OSBPL3: variants seen among roughly 807,000 people sequenced by gnomAD.
The protein encoded by OSBPL3 is oxysterol binding protein like 3.
OSBPL3 carries 65 observed loss-of-function variants against 120.1 expected under a neutral mutation model. The ratio of observed to expected loss-of-function variants is 0.54; its 90% CI spans 0.44 to 0.67. OSBPL3 has a LOEUF of 0.67. OSBPL3 is among the 30% of genes least tolerant of loss of function. The pLI is 0.00. For synonymous variants in OSBPL3, 416 were observed against 402.6 expected (o/e 1.03, Z -0.40); for missense variants, 1,004 against 1,082.1 (o/e 0.93, Z 1.01).
At position 24,801,645 on chromosome 7, in the gene OSBPL3, T is replaced by A. The variant is rs140736480; in HGVS notation, c.2568-1366A>T. ...CAAGGGTCGAATCCAGCCTTCTGCG[T>A]ATCTCTGAAATACTGTTTTATTGGA... On this transcript the variant is annotated intron_variant, in intron 22 of 22. Coordinates refer to ENST00000313367, the MANE Select transcript of OSBPL3 (RefSeq NM_015550.4). 5.1e-3 allele frequency among the ~76,000 whole-genome samples: 772 copies of A among 152,360 alleles called. 7 individuals carry two copies. The highest frequency in any genetic ancestry group is 0.018 in the African/African-American group (738 of 41,584).
chr7:24,915,445 T>C (rs745995219), intron 1 of OSBPL3, among the ~76,000 whole-genome samples: 11 of 152,132 alleles, frequency 7.2e-5, no homozygotes, highest in Non-Finnish European at 1.5e-4. Flanking sequence ...ACAGAAAAGT[T>C]GTCTTTCAAA....
chr7:24,901,077 C>T (rs571944329), intron 1 of OSBPL3, among the ~76,000 whole-genome samples: 40 of 150,500 alleles, frequency 2.7e-4, no homozygotes, highest in Admixed American at 6.6e-4. Flanking sequence ...CACTTATAAT[C>T]CCAGCGCTTT....
chr7:24,863,050 C>T lies in OSBPL3; in HGVS notation c.870+150G>A, dbSNP rs1800799578. The T allele has an allele frequency of 6.4e-6, 4 of 623,806 alleles. No individual in the cohort carries two copies. Among genetic ancestry groups the T allele is most frequent in the South Asian group, 5.7e-5 (3 of 52,754 alleles). The allele number at this position is 623,806 out of a possible 1,614,324, so 38.6% of individuals were successfully genotyped here. ...TAGCACCCAGATAATCTAAGTGATT[C>T]AATTCATCTCGCTACAGAGGACACT... On this transcript the variant is annotated intron_variant, in intron 9 of 22. Coordinates refer to ENST00000313367, the MANE Select transcript of OSBPL3 (RefSeq NM_015550.4). The surrounding 1 kb of genome is among the most constrained non-coding windows in gnomAD (Gnocchi z 5.8).
chr7:24,865,627 C>T (rs952541202), intron 6 of OSBPL3, among the ~76,000 whole-genome samples, 162 bp from the exon 7 acceptor site: 1 of 152,186 alleles, frequency 6.6e-6, no homozygotes, highest in South Asian at 2.1e-4. Context: ...GCTATCACCC[C>T]GGCTTGGCCA....
At chr7:24,903,402 T>C (rs1807359613) in intron 1 of OSBPL3, among the ~76,000 whole-genome samples, 2 of 152,240 alleles carry the variant, frequency 1.3e-5, no homozygotes, top group Admixed American at 6.5e-5. Context: ...ACTAGCCTTT[T>C]GAAGTTCACC....
chr7:24,852,380 G>T lies in OSBPL3; in HGVS notation c.1158+124C>A, dbSNP rs1799265454. On this transcript the variant is annotated intron_variant, in intron 11 of 22. Transcript: ENST00000313367. This position sits in a 1 kb window ranked among gnomAD's most constrained non-coding sequence, Gnocchi z 4.1. The stretch of plus-strand genomic sequence containing the variant: ...AATAAGCAGATTTGATGAAAGGTTA[G>T]AATATAATTTGGATAATTTGGTTTT... 2.6e-6 allele frequency: 2 copies of T among 773,244 alleles called. No homozygotes were observed. The highest frequency in any genetic ancestry group is 3.8e-6 in the Non-Finnish European group (2 of 530,870). 47.9% of individuals were successfully genotyped at this position (773,244 alleles called of 1,614,324 possible).
chr7:24,974,000 A>G (rs1375342395), intron 1 of OSBPL3, among the ~76,000 whole-genome samples: 1 of 152,248 alleles, frequency 6.6e-6, no homozygotes, highest in East Asian at 1.9e-4. Flanking sequence ...ACACAGTATT[A>G]CAATATATTC....
rs925618935 is a variant in OSBPL3 at position 24,944,502 on chromosome 7, T to C, written c.-150+35384A>G. 5.3e-5 allele frequency among the ~76,000 whole-genome samples: 8 copies of C among 151,944 alleles called. No individual in the cohort carries two copies. In the East Asian group the frequency reaches 1.4e-3, roughly 26 times the overall value. ...AAAATTAGCCGGGCATGGTGGCACG[T>C]ACCTGTAATCCCAGCTACTCAGGAG... On this transcript the variant is annotated intron_variant, in intron 1 of 22. Transcript: ENST00000313367.
In OSBPL3 at chr7:24,830,724, C is replaced by T; in HGVS notation, c.1884+44G>A. 6.4e-7 allele frequency: 1 copy of T among 1,559,922 alleles called. No individual in the cohort carries two copies. Among genetic ancestry groups the T allele is most frequent in the Non-Finnish European group, 8.7e-7 (1 of 1,153,194 alleles). ...TTTCAGAAGCACATTTAATGGGAGACATAAGCAACCCCTCCCAACAAGCAA... is the reference window on the plus strand; with the variant it reads ...TTTCAGAAGCACATTTAATGGGAGATATAAGCAACCCCTCCCAACAAGCAA... On this transcript the variant is annotated intron_variant, in intron 16 of 22. Transcript: ENST00000313367. The surrounding 1 kb of genome is among the most constrained non-coding windows in gnomAD (Gnocchi z 4.4).
chr7:24,870,575 C>T (rs901871850), intron 5 of OSBPL3, among the ~76,000 whole-genome samples, 157 bp downstream of exon 5: 4 of 152,166 alleles, frequency 2.6e-5, no homozygotes, highest in Admixed American at 6.5e-5. Flanking sequence ...TGCACAATGA[C>T]GTCCCATTCA....
Position 24,946,998 on chromosome 7 carries a change from C to T in OSBPL3, c.-150+32888G>A, listed in dbSNP as rs749140206. Among the ~76,000 whole-genome samples, 25 of 152,274 alleles carry T rather than the reference C, an allele frequency of 1.6e-4. No homozygotes were observed. Among genetic ancestry groups the T allele is most frequent in the African/African-American group, 1.4e-4 (6 of 41,558 alleles). On this transcript the variant is annotated intron_variant, in intron 1 of 22. Coordinates refer to ENST00000313367, the MANE Select transcript of OSBPL3 (RefSeq NM_015550.4). The surrounding 1 kb of genome is among the most constrained non-coding windows in gnomAD (Gnocchi z 4.3). ...AAGCATTATTGTTCATTATTCTTGCCGCTTTCATGTCTTTAAATTGTACAA... is the reference window on the plus strand; with the variant it reads ...AAGCATTATTGTTCATTATTCTTGCTGCTTTCATGTCTTTAAATTGTACAA...
intron 1 of OSBPL3, among the ~76,000 whole-genome samples, chr7:24,962,747 G>A (rs2128519610): frequency 6.6e-6 from 1 of 152,272 alleles, no homozygotes; most frequent in East Asian, 1.9e-4. Context: ...CTTGCCCCTA[G>A]GTCCAGCCGT....
rs1814969587 is a variant in OSBPL3, at chr7:24,955,747, T to C, written c.-150+24139A>G. Among the ~76,000 whole-genome samples the C allele has an allele frequency of 1.3e-5, 2 of 152,234 alleles. No individual in the cohort carries two copies. The highest frequency in any genetic ancestry group is 4.1e-4 in the South Asian group (2 of 4,836). Reference sequence around the variant, plus strand: ...TTATTTGCTTATAATGCAAACTCCATGAGGGCAGGGACTTTGTTTGTTGTT... The same window carrying C: ...TTATTTGCTTATAATGCAAACTCCACGAGGGCAGGGACTTTGTTTGTTGTT... On this transcript the variant is annotated intron_variant, in intron 1 of 22. Transcript: ENST00000313367. The surrounding 1 kb of genome is among the most constrained non-coding windows in gnomAD (Gnocchi z 4.3).
At chr7:24,979,815 C>G in intron 1 of OSBPL3, 71 bp downstream of exon 1, 1 of 686,842 alleles carries the variant, frequency 1.5e-6, no homozygotes, top group Non-Finnish European at 1.8e-6. Flanking sequence ...AACAGCAGCC[C>G]TTCCGAGCCC....
rs1309430698 is a variant in OSBPL3 at position 24,952,930 on chromosome 7, G to A, written c.-150+26956C>T. Among the ~76,000 whole-genome samples the A allele has an allele frequency of 6.6e-6, 1 of 152,158 alleles. No individual in the cohort carries two copies. The highest frequency in any genetic ancestry group is 1.5e-5 in the Non-Finnish European group (1 of 68,030). On this transcript the variant is annotated intron_variant, in intron 1 of 22. Coordinates refer to ENST00000313367, the MANE Select transcript of OSBPL3 (RefSeq NM_015550.4). This position sits in a 1 kb window ranked among gnomAD's most constrained non-coding sequence, Gnocchi z 4.4. ...GTGGTAGGATCCCTGGAGCCCAGGA[G>A]TTCAAGACCAGCCTGGGCAACACAG...
At chr7:24,943,600 A>G (rs1813350942) in intron 1 of OSBPL3, among the ~76,000 whole-genome samples, 1 of 152,220 alleles carries the variant, frequency 6.6e-6, no homozygotes, top group Admixed American at 6.5e-5. Context: ...AGTTAACACT[A>G]TAACTCTGTA....
intron 19 of OSBPL3, among the ~76,000 whole-genome samples, chr7:24,811,651 G>C (rs1793812385): frequency 6.6e-6 from 1 of 152,206 alleles, no homozygotes; most frequent in South Asian, 2.1e-4. Flanking sequence ...CTTGCTGTAA[G>C]TCTTTAGTCC....
chr7:24,841,974 C>CTGCACT (rs1797832555), intron 13 of OSBPL3, among the ~76,000 whole-genome samples: 1 of 151,306 alleles, frequency 6.6e-6, no homozygotes, highest in African/African-American at 2.4e-5. Flanking sequence ...GATTGCACCA[C>CTGCACT]TGCACTTCAG....
At chr7:24,917,618 A>G (rs538972900) in intron 1 of OSBPL3, among the ~76,000 whole-genome samples, 1 of 151,886 alleles carries the variant, frequency 6.6e-6, no homozygotes, top group African/African-American at 2.4e-5. Flanking sequence ...TCTTAGAAAC[A>G]GCAACTCAAA....
Sources: gnomAD v4.1 joint callset for allele counts (sites outside exome capture counted in the v4.1 genomes callset) on GRCh38, gnomAD v4.1.1 for gene constraint, Gnocchi (gnomAD v3.1) non-coding constraint, MANE v1.5 for transcripts, NCBI Gene and HGNC (gene_info 2026-07-23, HGNC 2026-07-21) for gene names.